The following MAF variants were observed in gnomAD, a reference collection of about 807,000 sequenced individuals.
MAF encodes the protein transcription factor Maf.
In MAF, 10 loss-of-function variants were observed where a neutral mutation model predicts 22.0. The observed-to-expected ratio is 0.45, with a 90% confidence interval of 0.28 to 0.77. The LOEUF (loss-of-function observed/expected upper bound fraction) is 0.77. Among genes scored for constraint, MAF ranks in the 30% least tolerant of loss-of-function variants. The pLI, the probability that MAF is intolerant of heterozygous loss-of-function variation, is 0.12. For missense variants in MAF, 544 were observed against 548.4 expected, an observed-to-expected ratio of 0.99 and a Z score of 0.08; for synonymous variants, 337 against 255.8, an observed-to-expected ratio of 1.32 and a Z score of -3.03.
chr16:79,438,728 G>T, the MAF span, among the ~76,000 whole-genome samples: 1 of 152,212 alleles, frequency 6.6e-6, no homozygotes, highest in African/African-American at 2.4e-5. Flanking sequence ...CCTGAGCCCT[G>T]GATGATCCCT....
the MAF span, among the ~76,000 whole-genome samples, chr16:79,565,524 G>T: frequency 6.6e-6 from 1 of 151,866 alleles, no homozygotes; most frequent in Non-Finnish European, 1.5e-5. Flanking sequence ...GGGACCAGTT[G>T]GGAGGTGACT....
the MAF span, among the ~76,000 whole-genome samples, chr16:79,343,658 T>C: frequency 1.3e-5 from 2 of 152,248 alleles, no homozygotes; most frequent in African/African-American, 4.8e-5. Context: ...AGGCCATTTA[T>C]ATTAGCAGAC....
chr16:79,467,348 G>A, the MAF span, among the ~76,000 whole-genome samples: 22 of 152,328 alleles, frequency 1.4e-4, no homozygotes, highest in African/African-American at 5.1e-4. Flanking sequence ...GAATCTGCAA[G>A]GGGGCAGGCA....
the MAF span, among the ~76,000 whole-genome samples, chr16:79,265,584 T>G: frequency 6.6e-6 from 1 of 152,328 alleles, no homozygotes; most frequent in Non-Finnish European, 1.5e-5. Flanking sequence ...TAAAGATTAA[T>G]TTAAAAATTA....
At chr16:79,459,557 A>G in the MAF span, among the ~76,000 whole-genome samples, 6 of 152,022 alleles carry the variant, frequency 3.9e-5, no homozygotes, top group South Asian at 2.1e-4. Flanking sequence ...CTTTATTTCA[A>G]TAAGTTCTTA....
chr16:79,412,012 G>C, the MAF span, among the ~76,000 whole-genome samples: 1 of 152,172 alleles, frequency 6.6e-6, no homozygotes, highest in African/African-American at 2.4e-5. Context: ...GACTCACTTT[G>C]TGCGACACCT....
chr16:79,413,777 T>C, the MAF span, among the ~76,000 whole-genome samples: 1 of 152,224 alleles, frequency 6.6e-6, no homozygotes, highest in Non-Finnish European at 1.5e-5. Flanking sequence ...GTCAGCAATC[T>C]TTCCGAAGAG....
chr16:79,277,087 G>C, the MAF span, among the ~76,000 whole-genome samples: 1 of 152,082 alleles, frequency 6.6e-6, no homozygotes, highest in African/African-American at 2.4e-5. Context: ...CCCCAGGCTG[G>C]AGAGCAGTGG....
At chr16:79,297,327 A>C in the MAF span, among the ~76,000 whole-genome samples, 2 of 152,224 alleles carry the variant, frequency 1.3e-5, no homozygotes, top group Non-Finnish European at 2.9e-5. Context: ...AACGGCGGCA[A>C]ATGCTTTCAT....
At chr16:79,366,447 A>T in the MAF span, among the ~76,000 whole-genome samples, 2 of 152,180 alleles carry the variant, frequency 1.3e-5, no homozygotes, top group African/African-American at 2.4e-5. Context: ...TCTTAGTTTC[A>T]TTAGTAATAA....
At chr16:79,440,133 C>T in the MAF span, among the ~76,000 whole-genome samples, 3 of 152,208 alleles carry the variant, frequency 2.0e-5, no homozygotes, top group Non-Finnish European at 4.4e-5. Flanking sequence ...AGTTGCACCA[C>T]TACCACCTGG....
chr16:79,410,113 C>G, the MAF span, among the ~76,000 whole-genome samples: 1 of 152,192 alleles, frequency 6.6e-6, no homozygotes, highest in Non-Finnish European at 1.5e-5. Context: ...CACTCATACA[C>G]TGCTGAGTGT....
the MAF span, among the ~76,000 whole-genome samples, chr16:79,423,355 T>A: frequency 1.3e-5 from 2 of 152,086 alleles, no homozygotes; most frequent in Admixed American, 6.5e-5. Flanking sequence ...GAGGCCAGCG[T>A]GTCCAAGATG....
chr16:79,536,522 G>C, the MAF span, among the ~76,000 whole-genome samples: 1 of 152,136 alleles, frequency 6.6e-6, no homozygotes, highest in Non-Finnish European at 1.5e-5. Context: ...CACACCTGTA[G>C]TCTCAGCTAC....
chr16:79,450,657 T>G, the MAF span, among the ~76,000 whole-genome samples: 1 of 152,184 alleles, frequency 6.6e-6, no homozygotes, highest in African/African-American at 2.4e-5. Flanking sequence ...GGCTATTATT[T>G]TGTCTGACTG....
the MAF span, among the ~76,000 whole-genome samples, chr16:79,227,801 A>C: frequency 6.6e-6 from 1 of 152,060 alleles, no homozygotes; most frequent in Admixed American, 6.6e-5. Context: ...AAAACCTGAA[A>C]TATTTAGACT....
the MAF span, among the ~76,000 whole-genome samples, chr16:79,277,243 T>A: frequency 7.9e-5 from 12 of 152,096 alleles, no homozygotes; most frequent in Non-Finnish European, 1.6e-4. Flanking sequence ...CCTGATTACA[T>A]CTGCAAAGAC....
At chr16:79,522,607 A>C in the MAF span, among the ~76,000 whole-genome samples, 3 of 152,170 alleles carry the variant, frequency 2.0e-5, no homozygotes, top group Non-Finnish European at 4.4e-5. Context: ...CAGGGAGACA[A>C]ATGCATGCAC....
the MAF span, among the ~76,000 whole-genome samples, chr16:79,250,529 T>A: frequency 1.1e-4 from 16 of 152,316 alleles, no homozygotes; most frequent in East Asian, 3.1e-3. Flanking sequence ...TTCCATTATA[T>A]GGAGGGACTA....
Sources: allele counts gnomAD v4.1 joint callset (sites outside exome capture counted in the v4.1 genomes callset), GRCh38; gene constraint gnomAD v4.1.1; transcripts MANE v1.5; gene names NCBI Gene and HGNC (gene_info 2026-07-23, HGNC 2026-07-21).